AKT1S1: variants seen among roughly 807,000 people sequenced by gnomAD.
The protein encoded by AKT1S1 is AKT1 substrate 1, also known as proline-rich AKT1 substrate 1.
Under a neutral mutation model 21.2 loss-of-function variants are expected in AKT1S1, and 17 were observed. The observed-to-expected ratio is 0.80, with a 90% CI of 0.55 to 1.20. The LOEUF (loss-of-function observed/expected upper bound fraction) is 1.20. Ranked by LOEUF, AKT1S1 falls within the 50% of genes most tolerant of loss-of-function variation. AKT1S1 has a pLI of 0.00. For missense variants in AKT1S1, 366 were observed against 368.3 expected, an observed-to-expected ratio of 0.99 and a Z score of 0.05; for synonymous variants, 181 against 165.6, an observed-to-expected ratio of 1.09 and a Z score of -0.72.
In AKT1S1 at chr19:49,872,000, A is replaced by T. The variant is rs1160066352; in HGVS notation, c.380-111T>A. The stretch of plus-strand genomic sequence containing the variant: ...ACAGCCACCACCTCCACCTCCCTGA[A>T]GCTTCTGAGACCCATTTCCTTCACC... On this transcript the variant is annotated intron_variant, in intron 2 of 4. Transcript: ENST00000344175. 4.3e-6 allele frequency: 5 copies of T among 1,151,336 alleles called. No individual in the cohort carries two copies. In the East Asian group the frequency reaches 1.2e-4, roughly 28 times the overall value. The allele number at this position is 1,151,336 out of a possible 1,614,324, so 71.3% of individuals were successfully genotyped here.
At chr19:49,876,940 A>T (rs2074954907) in intron 1 of AKT1S1, 1 of 385,948 alleles carries the variant, frequency 2.6e-6, no homozygotes, top group East Asian at 3.9e-5. Flanking sequence ...CGACAAAAGT[A>T]GAGGAAATCG....
At chr19:49,876,602 C>A in intron 1 of AKT1S1, 1 of 1,525,632 alleles carries the variant, frequency 6.6e-7, no homozygotes, top group East Asian at 2.5e-5. Flanking sequence ...CCTCCACTCA[C>A]GTGCCCGTAG....
At chr19:49,875,741 G>A in intron 1 of AKT1S1, 2 of 566,640 alleles carry the variant, frequency 3.5e-6, no homozygotes, top group African/African-American at 2.0e-5. Flanking sequence ...AGTGAGTTGT[G>A]AGGGCTCCCC....
chr19:49,873,132 G>A lies in AKT1S1; in HGVS notation c.164C>T (p.Ala55Val), dbSNP rs372391123. Reference sequence around the variant, plus strand: ...GTGGAGGCAACGGCGCGCTGCCTCCGCCAGGGCTCCTCGACCATGGGCAGC... The same window carrying A: ...GTGGAGGCAACGGCGCGCTGCCTCCACCAGGGCTCCTCGACCATGGGCAGC... ...AYAAHGRGALAEAARRCLHDI... is the reference protein window; with the variant it reads ...AYAAHGRGALVEAARRCLHDI... The change falls in exon 2 of 5, where the codon GCG becomes GTG. Residue 55 changes from alanine (A) to valine (V), a missense_variant. By Grantham distance (64) the Ala-to-Val change is moderately conservative. Coordinates refer to ENST00000344175, the MANE Select transcript of AKT1S1 (RefSeq NM_001098633.4). This position sits in a 1 kb window ranked among gnomAD's most constrained non-coding sequence, Gnocchi z 6.9. 62 of 1,540,788 alleles carry A rather than the reference G, an allele frequency of 4.0e-5. No homozygotes were observed. Among genetic ancestry groups the A allele is most frequent in the Admixed American group, 2.1e-4 (11 of 51,258 alleles).
chr19:49,873,635 A>G lies in AKT1S1; in HGVS notation c.-7-333T>C, dbSNP rs2074910608. The G allele has an allele frequency of 6.2e-6, 2 of 320,384 alleles. No individual in the cohort carries two copies. 19.8% of individuals were successfully genotyped at this position (320,384 alleles called of 1,614,324 possible). ...CTGGAAAGGCAGGGAGTCCTAGCAG[A>G]GAGTCCTAGCAGAGAGGCCTCTAAC... On this transcript the variant is annotated intron_variant, in intron 1 of 4. Transcript: ENST00000344175. This position sits in a 1 kb window ranked among gnomAD's most constrained non-coding sequence, Gnocchi z 6.9.
Position 49,869,876 on chromosome 19 carries a change from G to C in AKT1S1, c.*41C>G. 1 of 1,439,926 alleles carries C rather than the reference G, an allele frequency of 6.9e-7. No homozygotes were observed. The highest frequency in any genetic ancestry group is 9.3e-7 in the Non-Finnish European group (1 of 1,080,734). 89.2% of individuals were successfully genotyped at this position (1,439,926 alleles called of 1,614,324 possible). ...GGGAGTGGGGCGGGGGCGTAGTGTG[G>C]GACGGGGCGGACGCGGCCCGGGGCG... On this transcript the variant is annotated 3_prime_UTR_variant, in exon 5 of 5. Transcript: ENST00000344175.
chr19:49,872,864 C>T (rs1483286909), intron 2 of AKT1S1, 53 bp downstream of exon 2: 16 of 1,553,552 alleles, frequency 1.0e-5, no homozygotes, highest in African/African-American at 1.4e-5. Flanking sequence ...ACAAAGCCTC[C>T]TGCGGGCACC....
intron 4 of AKT1S1, 75 bp downstream of exon 4, chr19:49,871,472 C>T: frequency 6.3e-7 from 1 of 1,587,280 alleles, no homozygotes; most frequent in Non-Finnish European, 8.6e-7. Context: ...AGCATCCATG[C>T]TGGAGGGCTT....
chr19:49,876,227 G>A (rs182330257), intron 1 of AKT1S1: 38 of 1,060,452 alleles, frequency 3.6e-5, no homozygotes, highest in Non-Finnish European at 4.1e-5. Context: ...AGGACCCACT[G>A]GTCTAGGAAG....
intron 1 of AKT1S1, chr19:49,876,138 A>G: frequency 2.0e-6 from 2 of 993,914 alleles, no homozygotes; most frequent in Non-Finnish European, 2.4e-6. Context: ...CCTGAGCATG[A>G]ACGCGGTAGC....
intron 1 of AKT1S1, chr19:49,876,148 C>A: frequency 3.0e-6 from 3 of 997,108 alleles, no homozygotes; most frequent in Non-Finnish European, 3.6e-6. Flanking sequence ...AACGCGGTAG[C>A]CATGGGGTGA....
intron 2 of AKT1S1, 60 bp from the exon 3 acceptor site, chr19:49,871,949 C>G: frequency 6.4e-7 from 1 of 1,556,502 alleles, no homozygotes; most frequent in African/African-American, 1.4e-5. Flanking sequence ...CTCCATGTGT[C>G]CTCCTCCTCA....
At chr19:49,871,491 A>C (rs931556199) in intron 4 of AKT1S1, 56 bp downstream of exon 4, 4 of 1,605,872 alleles carry the variant, frequency 2.5e-6, no homozygotes, top group South Asian at 1.1e-5. Flanking sequence ...TTCCTGGAGG[A>C]GGCGGCTCAG....
intron 1 of AKT1S1, chr19:49,876,461 C>T (rs2074945590): frequency 8.5e-7 from 1 of 1,170,728 alleles, no homozygotes; most frequent in Non-Finnish European, 1.1e-6. Context: ...CAGCGCTCAG[C>T]AAAGGATCGC....
chr19:49,870,683 G>C (rs1695069404), intron 4 of AKT1S1, among the ~76,000 whole-genome samples: 1 of 152,208 alleles, frequency 6.6e-6, no homozygotes, highest in African/African-American at 2.4e-5. Context: ...CGCAGGATGG[G>C]ACCCGGAGAC....
At chr19:49,871,255 T>C (rs1347252854) in intron 4 of AKT1S1, among the ~76,000 whole-genome samples, 2 of 152,158 alleles carry the variant, frequency 1.3e-5, no homozygotes, top group African/African-American at 4.8e-5. Flanking sequence ...AAGCCTCAGT[T>C]TCTCCACTGG....
intron 4 of AKT1S1, among the ~76,000 whole-genome samples, chr19:49,870,341 T>C (rs2074870814): frequency 6.6e-6 from 1 of 152,226 alleles, no homozygotes; most frequent in South Asian, 2.1e-4. Context: ...GGAAGTGCTG[T>C]TGCCTGCTAG....
intron 1 of AKT1S1, chr19:49,876,600 C>T (rs547752182): frequency 1.3e-6 from 2 of 1,523,734 alleles, no homozygotes; most frequent in African/African-American, 2.8e-5. Flanking sequence ...CGCCTCCACT[C>T]ACGTGCCCGT....
Position 49,869,815 on chromosome 19 carries a change from G to T in AKT1S1, c.*102C>A. On this transcript the variant is annotated 3_prime_UTR_variant, in exon 5 of 5. Coordinates refer to ENST00000344175, the MANE Select transcript of AKT1S1 (RefSeq NM_001098633.4). ...ATCTTGGGAATGGGAGACGCAAGGA[G>T]GCCGGTCCCGGATCGGCCTCAGATT... 8.1e-7 allele frequency: 1 copy of T among 1,232,170 alleles called. No individual in the cohort carries two copies. The highest frequency in any genetic ancestry group is 2.2e-5 in the South Asian group (1 of 45,910). The allele number at this position is 1,232,170 out of a possible 1,614,324, so 76.3% of individuals were successfully genotyped here. A position where few individuals can be genotyped will look rare whatever the true frequency, so the allele number is the denominator to read the frequency against.
Sources: gnomAD v4.1 joint callset for allele counts (sites outside exome capture counted in the v4.1 genomes callset) on GRCh38, gnomAD v4.1.1 for gene constraint, Gnocchi (gnomAD v3.1) non-coding constraint, MANE v1.5 for transcripts, NCBI Gene and HGNC (gene_info 2026-07-23, HGNC 2026-07-21) for gene names.